The following YIPF4 variants were observed in gnomAD, a reference collection of about 807,000 sequenced individuals.
YIPF4 encodes protein YIPF4.
A neutral mutation model predicts 29.4 loss-of-function variants in YIPF4; 18 were observed. That is an observed-to-expected ratio of 0.61 (90% CI 0.42 to 0.91). YIPF4 has a LOEUF of 0.91. Ranked by LOEUF, YIPF4 falls within the 40% of genes least tolerant of loss-of-function variation. The pLI is 0.00. For synonymous variants in YIPF4, 115 were observed against 104.7 expected, an observed-to-expected ratio of 1.10 and a Z score of -0.60; for missense variants, 279 against 282.7, an observed-to-expected ratio of 0.99 and a Z score of 0.09.
intron 4 of YIPF4, among the ~76,000 whole-genome samples, chr2:32,298,947 G>A (rs2031296474): frequency 6.6e-6 from 1 of 151,578 alleles, no homozygotes; most frequent in South Asian, 2.1e-4. Flanking sequence ...GCACAATCTC[G>A]GCTCACTGCT....
chr2:32,292,281 C>T lies in YIPF4; in HGVS notation c.338C>T (p.Pro113Leu), dbSNP rs747259560. 6.2e-7 allele frequency: 1 copy of T among 1,605,990 alleles called. No homozygotes were observed. Among genetic ancestry groups the T allele is most frequent in the Non-Finnish European group, 8.5e-7 (1 of 1,175,434 alleles). Residue 113 changes from proline (P) to leucine (L), a missense_variant, in exon 3 of 6, where the codon CCT (proline) becomes CTT (leucine). Pro to Leu is a moderately conservative substitution (Grantham distance 98). Coordinates refer to ENST00000238831, the MANE Select transcript of YIPF4 (RefSeq NM_032312.4). ...GFNRQVVRDN[P>L]DFWGPLAVVL... ...AATAGACAAGTGGTGAGAGACAATC[C>T]TGACTTTTGGGGTCCTCTGGCTGTT...
intron 3 of YIPF4, among the ~76,000 whole-genome samples, chr2:32,293,058 AT>A (rs1056576368): frequency 7.8e-6 from 1 of 128,470 alleles, no homozygotes; most frequent in Non-Finnish European, 1.7e-5. Flanking sequence ...TTTTATTTTT[AT>A]TTTTTTATTT....
rs1054647936 is a variant in YIPF4 at position 32,305,954 on chromosome 2, T to G, written c.*328T>G. On this transcript the variant is annotated 3_prime_UTR_variant, in exon 6 of 6. Transcript: ENST00000238831. The stretch of plus-strand genomic sequence containing the variant: ...ACCTGGATTGGTAATTATATTTCAC[T>G]TAAAGGGTAAATTTGACAATATCTT... 2.0e-6 allele frequency: 2 copies of G among 995,992 alleles called. No homozygotes were observed. The highest frequency in any genetic ancestry group is 4.7e-5 in the South Asian group (1 of 21,462). The allele number at this position is 995,992 out of a possible 1,614,324, so 61.7% of individuals were successfully genotyped here. A position where few individuals can be genotyped will look rare whatever the true frequency, so the allele number is the denominator to read the frequency against.
intron 3 of YIPF4, among the ~76,000 whole-genome samples, chr2:32,296,303 C>A (rs543621708): frequency 3.9e-5 from 6 of 152,060 alleles, no homozygotes; most frequent in Non-Finnish European, 8.8e-5. Context: ...GAAACCCCAT[C>A]TCTCCTAAAA....
At chr2:32,295,116 A>T (rs1415957534) in intron 3 of YIPF4, among the ~76,000 whole-genome samples, 10 of 151,998 alleles carry the variant, frequency 6.6e-5, no homozygotes. Flanking sequence ...TGTTCTTAAA[A>T]TGACCGTTAC....
At position 32,290,496 on chromosome 2, in the gene YIPF4, A is replaced by G; in HGVS notation, c.93A>G (p.Ser31=). Residue 31 remains serine, a synonymous_variant, in exon 2 of 6, where the codon TCA becomes TCG. Transcript: ENST00000238831. The stretch of plus-strand genomic sequence containing the variant: ...TTTTCTCCTAAGATCTCAGTGGTTC[A>G]ATAGCATCCCCAGATGTCAAATTAA... ...SSADAEDLSG[S]IASPDVKLNL... is the part of the protein sequence containing the mutation. 5.1e-6 allele frequency: 8 copies of G among 1,564,888 alleles called. No homozygotes were observed. Among genetic ancestry groups the G allele is most frequent in the Non-Finnish European group, 6.9e-6 (8 of 1,156,896 alleles).
In YIPF4 at chr2:32,284,730, C is replaced by T. The variant is rs61459955; in HGVS notation, c.80-5753C>T. 6.5e-3 allele frequency among the ~76,000 whole-genome samples: 986 copies of T among 152,212 alleles called. 11 individuals carry two copies. The highest frequency in any genetic ancestry group is 0.023 in the African/African-American group (935 of 41,518). Reference sequence around the variant, plus strand: ...CTAATACAGCAAGTATATCTGAGAACTGAAGAATGGATGGCATTTAATTAT... The same window carrying T: ...CTAATACAGCAAGTATATCTGAGAATTGAAGAATGGATGGCATTTAATTAT... On this transcript the variant is annotated intron_variant, in intron 1 of 5. Transcript: ENST00000238831.
intron 1 of YIPF4, 112 bp from the exon 2 acceptor site, chr2:32,290,371 T>A: frequency 2.7e-6 from 2 of 732,306 alleles, no homozygotes; most frequent in Non-Finnish European, 3.9e-6. Context: ...CAATAGCAGA[T>A]GTTCTTAGAG....
intron 1 of YIPF4, among the ~76,000 whole-genome samples, chr2:32,289,825 AT>A (rs1372794428): frequency 6.6e-6 from 1 of 152,180 alleles, no homozygotes; most frequent in East Asian, 1.9e-4. Flanking sequence ...GCCTTTATTT[AT>A]TTTTGCCAAA....
Position 32,291,475 on chromosome 2 carries a change from C to T in YIPF4, c.234-702C>T, listed in dbSNP as rs190173278. ...ATGAGAATCGCTTGAACCCAGGAGACGGAGGTTGCAGTGAGCCGAAATTGC... is the reference window on the plus strand; with the variant it reads ...ATGAGAATCGCTTGAACCCAGGAGATGGAGGTTGCAGTGAGCCGAAATTGC... On this transcript the variant is annotated intron_variant, in intron 2 of 5. Transcript: ENST00000238831. 4.5e-4 allele frequency among the ~76,000 whole-genome samples: 68 copies of T among 152,274 alleles called. No homozygotes were observed. In the East Asian group the frequency reaches 0.01, roughly 23 times the overall value.
At chr2:32,296,842 G>A (rs2031206197) in intron 3 of YIPF4, among the ~76,000 whole-genome samples, 14 of 152,108 alleles carry the variant, frequency 9.2e-5, no homozygotes, top group Admixed American at 9.2e-4. Flanking sequence ...AGCATCCATT[G>A]GTAGATCTTG....
At chr2:32,296,072 C>A (rs2031168966) in intron 3 of YIPF4, among the ~76,000 whole-genome samples, 1 of 152,240 alleles carries the variant, frequency 6.6e-6, no homozygotes, top group South Asian at 2.1e-4. Context: ...TTGCAAAGAC[C>A]ACTGAAGAAG....
chr2:32,292,490 C>T lies in YIPF4; in HGVS notation c.405+142C>T, dbSNP rs1053031699. ...TTTCTCACTTGTTCATCCCTAAAAC[C>T]GTTCCATAATTAAATAAGTGAGGAG... On this transcript the variant is annotated intron_variant, in intron 3 of 5. Coordinates refer to ENST00000238831, the MANE Select transcript of YIPF4 (RefSeq NM_032312.4). 3.2e-5 allele frequency: 20 copies of T among 618,390 alleles called. No homozygotes were observed. The South Asian group carries it at 8.4e-4, about 26-fold the overall frequency. The allele number at this position is 618,390 out of a possible 1,614,324, so 38.3% of individuals were successfully genotyped here. A position where few individuals can be genotyped will look rare whatever the true frequency, so the allele number is the denominator to read the frequency against.
rs2031609702 is a variant in YIPF4, at chr2:32,307,213, T to C, written c.*1587T>C. ...ACCGTAAGATAAACATTTGTTACACTTAAGAAATTGCTGAGGTTAATACTT... is the reference window on the plus strand; with the variant it reads ...ACCGTAAGATAAACATTTGTTACACCTAAGAAATTGCTGAGGTTAATACTT... On this transcript the variant is annotated 3_prime_UTR_variant, in exon 6 of 6. Transcript: ENST00000238831. 2.7e-6 allele frequency: 3 copies of C among 1,102,438 alleles called. No homozygotes were observed. The highest frequency in any genetic ancestry group is 3.6e-6 in the Non-Finnish European group (3 of 832,378). 68.3% of individuals were successfully genotyped at this position (1,102,438 alleles called of 1,614,324 possible). A position where few individuals can be genotyped will look rare whatever the true frequency, so the allele number is the denominator to read the frequency against.
At chr2:32,289,488 T>C (rs1283798680) in intron 1 of YIPF4, among the ~76,000 whole-genome samples, 1 of 152,252 alleles carries the variant, frequency 6.6e-6, no homozygotes, top group Non-Finnish European at 1.5e-5. Context: ...GTTAGAGTGT[T>C]CTGGTTTGGT....
chr2:32,316,012 T>G lies in YIPF4; in HGVS notation c.*10386T>G, dbSNP rs1462430107. ...CCTGGGCAATATAGCGAGACCCCGTTCTCCCCAAAAAGGAAAAAAAAAAAA... is the reference window on the plus strand; with the variant it reads ...CCTGGGCAATATAGCGAGACCCCGTGCTCCCCAAAAAGGAAAAAAAAAAAA... On this transcript the variant is annotated 3_prime_UTR_variant, in exon 6 of 6. Coordinates refer to ENST00000238831, the MANE Select transcript of YIPF4 (RefSeq NM_032312.4). 3 of 130,168 alleles carry G rather than the reference T, an allele frequency of 2.3e-5. No individual in the cohort carries two copies. The highest frequency in any genetic ancestry group is 3.0e-5 in the African/African-American group (1 of 33,002). The allele number at this position is 130,168 out of a possible 1,614,324, so 8.1% of individuals were successfully genotyped here.
intron 1 of YIPF4, among the ~76,000 whole-genome samples, chr2:32,287,285 A>C (rs2030718220): frequency 6.6e-6 from 1 of 152,054 alleles, no homozygotes; most frequent in African/African-American, 2.4e-5. Flanking sequence ...AAATAATGAA[A>C]TTTATTAATA....
In YIPF4 at chr2:32,315,285, T is replaced by C. The variant is rs1033295969; in HGVS notation, c.*9659T>C. ...CCACTTAGTGGCTTCCATCCATGTCTCATGGGACAGAACTGAATCACATAG... is the reference window on the plus strand; with the variant it reads ...CCACTTAGTGGCTTCCATCCATGTCCCATGGGACAGAACTGAATCACATAG... On this transcript the variant is annotated 3_prime_UTR_variant, in exon 6 of 6. Transcript: ENST00000238831. The C allele has an allele frequency of 6.6e-6, 1 of 152,184 alleles. No homozygotes were observed. Among genetic ancestry groups the C allele is most frequent in the Non-Finnish European group, 1.5e-5 (1 of 68,036 alleles). 9.4% of individuals were successfully genotyped at this position (152,184 alleles called of 1,614,324 possible). A position where few individuals can be genotyped will look rare whatever the true frequency, so the allele number is the denominator to read the frequency against.
In YIPF4 at chr2:32,315,435, A is replaced by T. The variant is rs1203483098; in HGVS notation, c.*9809A>T. ...AGGTAAATGGCAATGTCTGACAAAGACATGGTAGGCCAGTCTGAAAAATGT... is the reference window on the plus strand; with the variant it reads ...AGGTAAATGGCAATGTCTGACAAAGTCATGGTAGGCCAGTCTGAAAAATGT... On this transcript the variant is annotated 3_prime_UTR_variant, in exon 6 of 6. Coordinates refer to ENST00000238831, the MANE Select transcript of YIPF4 (RefSeq NM_032312.4). 1.3e-5 allele frequency: 2 copies of T among 152,258 alleles called. No homozygotes were observed. Among genetic ancestry groups the T allele is most frequent in the Non-Finnish European group, 2.9e-5 (2 of 68,082 alleles). The allele number at this position is 152,258 out of a possible 1,614,324, so 9.4% of individuals were successfully genotyped here.
Sources: gnomAD v4.1 joint callset for allele counts (sites outside exome capture counted in the v4.1 genomes callset) on GRCh38, gnomAD v4.1.1 for gene constraint, MANE v1.5 for transcripts, NCBI Gene and HGNC (gene_info 2026-07-23, HGNC 2026-07-21) for gene names.